The following UGT1A4 variants were observed in gnomAD, a reference collection of about 807,000 sequenced individuals.
The protein encoded by UGT1A4 is UDP glucuronosyltransferase family 1 member A4.
UGT1A4 carries 32 observed loss-of-function variants against 41.1 expected under a neutral mutation model. That is an observed-to-expected ratio of 0.78 (90% confidence interval 0.59 to 1.05). The LOEUF is 1.05. UGT1A4 is among the 50% of genes least tolerant of loss of function. UGT1A4 has a pLI of 0.00. For missense variants in UGT1A4, 748 were observed against 677.4 expected, an observed-to-expected ratio of 1.10 and a Z score of -1.16; for synonymous variants, 283 against 265.1, an observed-to-expected ratio of 1.07 and a Z score of -0.66.
intron 1 of UGT1A4, among the ~76,000 whole-genome samples, chr2:233,739,357 C>T (rs1308637370): frequency 6.6e-6 from 1 of 152,104 alleles, no homozygotes; most frequent in African/African-American, 2.4e-5. Context: ...AGGGCAGATC[C>T]AATAGCTTGC....
intron 1 of UGT1A4, among the ~76,000 whole-genome samples, chr2:233,761,681 C>T (rs1697835350): frequency 6.6e-6 from 1 of 152,246 alleles, no homozygotes; most frequent in Non-Finnish European, 1.5e-5. Flanking sequence ...CAGGTTCTGA[C>T]ATGATACAGA....
chr2:233,734,406 C>G (rs543210294), intron 1 of UGT1A4, among the ~76,000 whole-genome samples: 13 of 151,932 alleles, frequency 8.6e-5, no homozygotes, highest in African/African-American at 2.7e-4. Flanking sequence ...CTATTTGATT[C>G]TTCTCTCTTT....
chr2:233,755,016 T>C (rs1695690750), intron 1 of UGT1A4: 1 of 1,296,724 alleles, frequency 7.7e-7, no homozygotes, highest in Non-Finnish European at 1.0e-6. Context: ...CTCGAAGGGG[T>C]CCTTGAAGGG....
At position 233,729,327 on chromosome 2, in the gene UGT1A4, G is replaced by A. The variant is rs199842881; in HGVS notation, c.867+9640G>A. On this transcript the variant is annotated intron_variant, in intron 1 of 4. Coordinates refer to ENST00000373409, the MANE Select transcript of UGT1A4 (RefSeq NM_007120.3). ...TGGTCCTCACCCCAGAGGTGAATATGCACATCAAAGAAGAGAACTTTTTCA... is the reference window on the plus strand; with the variant it reads ...TGGTCCTCACCCCAGAGGTGAATATACACATCAAAGAAGAGAACTTTTTCA... 117 of 1,614,124 alleles carry A rather than the reference G, an allele frequency of 7.2e-5. No individual in the cohort carries two copies. The highest frequency in any genetic ancestry group is 9.6e-5 in the Non-Finnish European group (113 of 1,180,042).
chr2:233,748,611 A>G (rs1693987516), intron 1 of UGT1A4, among the ~76,000 whole-genome samples: 1 of 151,804 alleles, frequency 6.6e-6, no homozygotes, highest in Non-Finnish European at 1.5e-5. Context: ...AGAGCAACGA[A>G]CGTGGGATAT....
Position 233,734,700 on chromosome 2 carries a change from T to TTG in UGT1A4, c.867+15013_867+15014insTG, listed in dbSNP as rs1319489997. Among the ~76,000 whole-genome samples the TTG allele has an allele frequency of 9.9e-3, 1,501 of 152,266 alleles. 21 individuals carry two copies. Among genetic ancestry groups the TTG allele is most frequent in the African/African-American group, 0.034 (1,432 of 41,556 alleles). ...ACTGATTTAAATGTGTCCCAGAGATTCTGGTATGTTGTGTCTTTGTTCTCG... is the reference window on the plus strand; with the variant it reads ...ACTGATTTAAATGTGTCCCAGAGATTTGCTGGTATGTTGTGTCTTTGTTCTCG... On this transcript the variant is annotated intron_variant, in intron 1 of 4. Coordinates refer to ENST00000373409, the MANE Select transcript of UGT1A4 (RefSeq NM_007120.3).
chr2:233,768,794 G>C (rs1447773393), intron 4 of UGT1A4, among the ~76,000 whole-genome samples: 4 of 151,952 alleles, frequency 2.6e-5, no homozygotes, highest in African/African-American at 7.2e-5. Flanking sequence ...ATGTTTGTCA[G>C]GCTGGTCTTG....
chr2:233,743,059 A>T (rs1424842143), intron 1 of UGT1A4: 1 of 324,044 alleles, frequency 3.1e-6, no homozygotes, highest in Non-Finnish European at 6.0e-6. Context: ...CCCAACGATA[A>T]GAACAGGTGT....
intron 1 of UGT1A4, chr2:233,729,501 T>C (rs142329877): frequency 1.3e-5 from 21 of 1,614,102 alleles, no homozygotes; most frequent in Non-Finnish European, 1.7e-5. Flanking sequence ...TGGTCTATCA[T>C]AGGTCTTGTG....
intron 1 of UGT1A4, chr2:233,755,330 C>T (rs1695864854): frequency 6.5e-6 from 3 of 463,614 alleles, no homozygotes; most frequent in East Asian, 7.0e-5. Context: ...TGCCAGCACC[C>T]GCGCACAGGT....
chr2:233,720,145 C>T (rs1311808159), intron 1 of UGT1A4, among the ~76,000 whole-genome samples: 2 of 152,118 alleles, frequency 1.3e-5, no homozygotes, highest in Non-Finnish European at 2.9e-5. Context: ...CCTAGGCACT[C>T]ACAGGAAGTA....
chr2:233,755,827 T>C (rs1696034290), intron 1 of UGT1A4: 1 of 152,236 alleles, frequency 6.6e-6, no homozygotes, highest in Admixed American at 6.5e-5. Flanking sequence ...AAAAGACATA[T>C]TCATTGGGCA....
intron 1 of UGT1A4, among the ~76,000 whole-genome samples, chr2:233,757,948 G>A (rs1469946422): frequency 6.6e-6 from 1 of 152,076 alleles, no homozygotes; most frequent in Non-Finnish European, 1.5e-5. Flanking sequence ...TCATATTGCT[G>A]CCCTGCTGTG....
intron 1 of UGT1A4, chr2:233,747,618 G>A (rs1433302665): frequency 1.3e-5 from 21 of 1,574,996 alleles, no homozygotes; most frequent in Middle Eastern, 1.7e-4. Flanking sequence ...GCATAATGAG[G>A]CCCTGATCAG....
intron 1 of UGT1A4, among the ~76,000 whole-genome samples, chr2:233,748,636 A>G (rs1201080065): frequency 6.6e-6 from 1 of 151,796 alleles, no homozygotes; most frequent in African/African-American, 2.4e-5. Flanking sequence ...CTGTGATTAT[A>G]GAATTACACA....
Position 233,769,698 on chromosome 2 carries a change from G to A in UGT1A4, c.1307+1259G>A. The A allele has an allele frequency of 6.5e-7, 1 of 1,529,982 alleles. No individual in the cohort carries two copies. Among genetic ancestry groups the A allele is most frequent in the Non-Finnish European group, 8.8e-7 (1 of 1,137,522 alleles). 94.8% of individuals were successfully genotyped at this position (1,529,982 alleles called of 1,614,324 possible). On this transcript the variant is annotated intron_variant, in intron 4 of 4. Coordinates refer to ENST00000373409, the MANE Select transcript of UGT1A4 (RefSeq NM_007120.3). The surrounding 1 kb of genome is among the most constrained non-coding windows in gnomAD (Gnocchi z 4.4). ...GTGTGTGTGGTGGCACTGGATAAAAGATCAATGTTGGCTAGGCACCATGGC... is the reference window on the plus strand; with the variant it reads ...GTGTGTGTGGTGGCACTGGATAAAAAATCAATGTTGGCTAGGCACCATGGC...
At chr2:233,767,255 G>C in intron 2 of UGT1A4, 90 bp downstream of exon 2, 1 of 1,596,760 alleles carries the variant, frequency 6.3e-7, no homozygotes, top group Non-Finnish European at 8.5e-7. Flanking sequence ...CTCTTAATTG[G>C]AACCTTAGAT....
chr2:233,757,560 A>ATATATATATATATATATATATGTG (rs904896556), intron 1 of UGT1A4, among the ~76,000 whole-genome samples: 3 of 123,154 alleles, frequency 2.4e-5, no homozygotes, highest in Admixed American at 7.8e-5. Context: ...ATATATATAT[A>ATATATATATATATATATATATGTG]TGTATATATG....
At chr2:233,730,055 T>G in intron 1 of UGT1A4, 1 of 1,611,964 alleles carries the variant, frequency 6.2e-7, no homozygotes, top group Non-Finnish European at 8.5e-7. Context: ...AAAAAATGTA[T>G]TTATTTAAAA....
Sources: allele counts gnomAD v4.1 joint callset (sites outside exome capture counted in the v4.1 genomes callset), GRCh38; gene constraint gnomAD v4.1.1; non-coding constraint Gnocchi (gnomAD v3.1); transcripts MANE v1.5; gene names NCBI Gene and HGNC (gene_info 2026-07-23, HGNC 2026-07-21).